ADGRL3: variants seen among roughly 807,000 people sequenced by gnomAD.
The protein encoded by ADGRL3 is adhesion G protein-coupled receptor L3, also known as calcium-independent alpha-latrotoxin receptor 3.
ADGRL3 carries 62 observed loss-of-function variants against 153.5 expected under a neutral mutation model. That is an observed-to-expected ratio of 0.40 (90% CI 0.33 to 0.50). The LOEUF is 0.50. Among genes scored for constraint, ADGRL3 ranks in the 20% least tolerant of loss-of-function variants. ADGRL3 has a pLI of 0.47. For missense variants in ADGRL3, 1,641 were observed against 1,859.4 expected, an observed-to-expected ratio of 0.88 and a Z score of 2.16; for synonymous variants, 710 against 672.5, an observed-to-expected ratio of 1.06 and a Z score of -0.86.
chr4:61,282,328 AACTTCT>A (rs1172995766), intron 1 of ADGRL3, among the ~76,000 whole-genome samples: 2 of 152,036 alleles, frequency 1.3e-5, no homozygotes, highest in African/African-American at 4.8e-5. Context: ...GACCATGTTA[AACTTCT>A]ACTTTCACAA....
chr4:61,601,617 G>T (rs905661995), intron 5 of ADGRL3, among the ~76,000 whole-genome samples: 1 of 152,088 alleles, frequency 6.6e-6, no homozygotes, highest in African/African-American at 2.4e-5. Flanking sequence ...GAACCTAGAT[G>T]ATATTACAAA....
chr4:61,384,449 T>C (rs1352410128), intron 2 of ADGRL3, among the ~76,000 whole-genome samples: 1 of 150,828 alleles, frequency 6.6e-6, no homozygotes, highest in Non-Finnish European at 1.5e-5. Flanking sequence ...TATACTACTA[T>C]ATTACTATGT....
intron 3 of ADGRL3, among the ~76,000 whole-genome samples, chr4:61,516,201 T>C (rs1484807130): frequency 2.6e-5 from 4 of 152,102 alleles, no homozygotes; most frequent in Non-Finnish European, 5.9e-5. Flanking sequence ...AATCTGCAGA[T>C]ATTTTATATA....
intron 5 of ADGRL3, among the ~76,000 whole-genome samples, chr4:61,631,769 TTTTTC>T (rs2093179531): frequency 1.3e-5 from 2 of 152,080 alleles, no homozygotes; most frequent in African/African-American, 4.8e-5. Context: ...TTTAATTTTT[TTTTTC>T]TTTTCTTTTT....
intron 1 of ADGRL3, among the ~76,000 whole-genome samples, chr4:61,274,983 G>T (rs572320194): frequency 1.3e-5 from 2 of 152,150 alleles, no homozygotes; most frequent in South Asian, 4.2e-4. Flanking sequence ...CCACTAACTA[G>T]TTTTTTGTTT....
chr4:61,377,247 G>A (rs2096614677), intron 1 of ADGRL3, among the ~76,000 whole-genome samples: 1 of 151,948 alleles, frequency 6.6e-6, no homozygotes, highest in African/African-American at 2.4e-5. Flanking sequence ...GTGCAGACAG[G>A]CAAACTGATA....
intron 1 of ADGRL3, among the ~76,000 whole-genome samples, chr4:61,292,429 T>TA: frequency 6.6e-6 from 1 of 152,292 alleles, no homozygotes; most frequent in African/African-American, 2.4e-5. Flanking sequence ...AAGAGACTGA[T>TA]AGTGTCTGGG....
At chr4:62,009,876 C>T (rs2099175864) in intron 21 of ADGRL3, among the ~76,000 whole-genome samples, 1 of 152,108 alleles carries the variant, frequency 6.6e-6, no homozygotes, top group Non-Finnish European at 1.5e-5. Flanking sequence ...GTCCCCATGA[C>T]CATCCCTCAA....
intron 2 of ADGRL3, among the ~76,000 whole-genome samples, chr4:61,447,444 G>A (rs375638285): frequency 1.3e-5 from 2 of 152,184 alleles, no homozygotes; most frequent in African/African-American, 4.8e-5. Context: ...ATTTTGGATT[G>A]GATTTCTTGA....
intron 4 of ADGRL3, among the ~76,000 whole-genome samples, chr4:61,567,157 G>T (rs1198747583): frequency 2.0e-5 from 3 of 152,176 alleles, no homozygotes; most frequent in Admixed American, 6.5e-5. Context: ...TAATTTTCCA[G>T]ATGAGAGAAC....
At chr4:62,018,037 G>A (rs1267981394) in intron 21 of ADGRL3, among the ~76,000 whole-genome samples, 2 of 152,068 alleles carry the variant, frequency 1.3e-5, no homozygotes, top group African/African-American at 4.8e-5. Context: ...CACTTAAGAT[G>A]AGAGATTCAA....
chr4:61,838,329 G>A (rs886522762), intron 9 of ADGRL3, among the ~76,000 whole-genome samples: 1 of 152,116 alleles, frequency 6.6e-6, no homozygotes, highest in Non-Finnish European at 1.5e-5. Flanking sequence ...GTTTACAGTG[G>A]TTTAAAATTA....
intron 2 of ADGRL3, among the ~76,000 whole-genome samples, chr4:61,461,487 T>C (rs2097817720): frequency 6.6e-6 from 1 of 152,076 alleles, no homozygotes; most frequent in East Asian, 1.9e-4. Context: ...ATATATACTC[T>C]CTAAATATGT....
Position 61,795,959 on chromosome 4 carries a change from C to T in ADGRL3, c.1400-17850C>T, listed in dbSNP as rs141301294. Among the ~76,000 whole-genome samples the T allele has an allele frequency of 4.3e-4, 65 of 152,262 alleles. 1 individual carries two copies. The East Asian group carries it at 0.011, about 27-fold the overall frequency. The stretch of plus-strand genomic sequence containing the variant: ...CCAGGTTCAAGCGATTCTCCTGCCT[C>T]AGCCTCCCGAGTAGCTGGGATTACA... On this transcript the variant is annotated intron_variant, in intron 8 of 26. Coordinates refer to ENST00000683033, the MANE Select transcript of ADGRL3 (RefSeq NM_001387552.1).
chr4:61,617,351 A>G (rs1274693742), intron 5 of ADGRL3, among the ~76,000 whole-genome samples: 1 of 151,724 alleles, frequency 6.6e-6, no homozygotes, highest in East Asian at 1.9e-4. Flanking sequence ...TATTTTCCTT[A>G]TTTTCTTCTC....
intron 13 of ADGRL3, among the ~76,000 whole-genome samples, chr4:61,922,374 A>G (rs2098773941): frequency 6.6e-6 from 1 of 152,214 alleles, no homozygotes; most frequent in Non-Finnish European, 1.5e-5. Context: ...TCTTATAGAA[A>G]GTTCCCATAT....
At chr4:61,582,744 C>G (rs944965818) in intron 4 of ADGRL3, among the ~76,000 whole-genome samples, 1 of 151,934 alleles carries the variant, frequency 6.6e-6, no homozygotes, top group African/African-American at 2.4e-5. Flanking sequence ...GTTCCCTTCC[C>G]CTAGTGCAAT....
At chr4:61,771,590 A>G (rs187247899) in intron 8 of ADGRL3, among the ~76,000 whole-genome samples, 7 of 152,194 alleles carry the variant, frequency 4.6e-5, no homozygotes, top group Admixed American at 2.6e-4. Context: ...TCCTTTAATT[A>G]GTTATTTTTT....
At position 61,509,029 on chromosome 4, in the gene ADGRL3, G is replaced by A. The variant is rs548582105; in HGVS notation, c.56-8286G>A. On this transcript the variant is annotated intron_variant, in intron 3 of 26. Coordinates refer to ENST00000683033, the MANE Select transcript of ADGRL3 (RefSeq NM_001387552.1). ...AGGAAACCACCCCCATGATTCAAAC[G>A]ATCCCACGGGTTCCATCCCACAACC... 2.6e-5 allele frequency among the ~76,000 whole-genome samples: 4 copies of A among 151,734 alleles called. No homozygotes were observed. The East Asian group carries it at 5.8e-4, about 22-fold the overall frequency.
Sources: gnomAD v4.1 joint callset for allele counts (sites outside exome capture counted in the v4.1 genomes callset) on GRCh38, gnomAD v4.1.1 for gene constraint, MANE v1.5 for transcripts, NCBI Gene and HGNC (gene_info 2026-07-23, HGNC 2026-07-21) for gene names.